LMTK2: variants seen among roughly 807,000 people sequenced by gnomAD.
LMTK2 encodes the protein lemur tail kinase 2, also known as serine/threonine-protein kinase LMTK2.
Under a neutral mutation model 127.5 loss-of-function variants are expected in LMTK2, and 37 were observed. That is an observed-to-expected ratio of 0.29 (90% confidence interval 0.22 to 0.38). The LOEUF is 0.38. Among genes scored for constraint, LMTK2 ranks in the 10% least tolerant of loss-of-function variants. The pLI, the probability that LMTK2 is intolerant of heterozygous loss-of-function variation, is 1.00. For missense variants in LMTK2, 1,694 were observed against 1,920.3 expected, an observed-to-expected ratio of 0.88 and a Z score of 2.20; for synonymous variants, 819 against 810.1, an observed-to-expected ratio of 1.01 and a Z score of -0.19.
At chr7:98,182,943 C>A (rs1230801086) in intron 7 of LMTK2, among the ~76,000 whole-genome samples, 1 of 152,186 alleles carries the variant, frequency 6.6e-6, no homozygotes, top group Non-Finnish European at 1.5e-5. Context: ...ATCAGATTCC[C>A]CATTATACTC....
At chr7:98,130,070 G>A (rs1796500694) in intron 1 of LMTK2, among the ~76,000 whole-genome samples, 1 of 152,142 alleles carries the variant, frequency 6.6e-6, no homozygotes, top group Non-Finnish European at 1.5e-5. Flanking sequence ...TGGGGGCAGG[G>A]GAGCATGTCA....
chr7:98,193,924 G>A lies in LMTK2; in HGVS notation c.3459G>A (p.Leu1153=). ...EQSPAAQDSC[L]EARKSQPDES... is the part of the protein sequence containing the mutation. ...GTCCTGCTGCCCAGGATAGCTGCCT[G>A]GAAGCCAGAAAGAGCCAGCCAGATG... is the stretch of plus-strand genomic sequence containing the variant. Residue 1153 remains leucine, a synonymous_variant, in exon 11 of 14, where the codon CTG becomes CTA. Coordinates refer to ENST00000297293, the MANE Select transcript of LMTK2 (RefSeq NM_014916.4). The surrounding 1 kb of genome is among the most constrained non-coding windows in gnomAD (Gnocchi z 4.1). 2 of 1,614,116 alleles carry A rather than the reference G, an allele frequency of 1.2e-6. No homozygotes were observed. The highest frequency in any genetic ancestry group is 2.2e-5 in the East Asian group (1 of 44,880).
chr7:98,192,903 T>C lies in LMTK2; in HGVS notation c.2438T>C (p.Val813Ala), dbSNP rs1797554890. Residue 813 changes from valine to alanine, a missense_variant, in exon 11 of 14, where the codon GTG becomes GCG. Physicochemically the swap from Val to Ala is moderately conservative, Grantham distance 64 (BLOSUM62 0). Coordinates refer to ENST00000297293, the MANE Select transcript of LMTK2 (RefSeq NM_014916.4). ...ACCTCATTGCAGTCTTCCCCGGAAG[T>C]GCAGGTACCTCCTACCTCCTTCGAA... ...LSTSLQSSPE[V>A]QVPPTSFETE... 1 of 1,614,142 alleles carries C rather than the reference T, an allele frequency of 6.2e-7. No individual in the cohort carries two copies. The highest frequency in any genetic ancestry group is 8.5e-7 in the Non-Finnish European group (1 of 1,180,000).
intron 1 of LMTK2, among the ~76,000 whole-genome samples, chr7:98,131,754 G>T (rs898475311): frequency 1.3e-5 from 2 of 152,084 alleles, no homozygotes; most frequent in African/African-American, 4.8e-5. Flanking sequence ...AAAACTGTGG[G>T]CAGGATTTCA....
At chr7:98,140,278 C>G (rs1349822211) in intron 2 of LMTK2, among the ~76,000 whole-genome samples, 1 of 151,528 alleles carries the variant, frequency 6.6e-6, no homozygotes, top group Non-Finnish European at 1.5e-5. Context: ...GTAGCCAGGA[C>G]TACTCCAGTA....
intron 5 of LMTK2, among the ~76,000 whole-genome samples, chr7:98,158,285 G>A (rs978579671): frequency 2.6e-5 from 4 of 152,078 alleles, no homozygotes; most frequent in African/African-American, 4.8e-5. Flanking sequence ...TGTTGTTGTC[G>A]TTGTTTTGAA....
At chr7:98,167,472 G>A (rs1797118114) in intron 6 of LMTK2, among the ~76,000 whole-genome samples, 1 of 152,254 alleles carries the variant, frequency 6.6e-6, no homozygotes, top group Non-Finnish European at 1.5e-5. Flanking sequence ...TGTCCTCAAG[G>A]TGGGGTGGTG....
chr7:98,112,590 G>A (rs1314219699), intron 1 of LMTK2, among the ~76,000 whole-genome samples: 4 of 152,144 alleles, frequency 2.6e-5, no homozygotes, highest in African/African-American at 7.2e-5. Context: ...TTCCCATTAT[G>A]GAAAAAGGTT....
chr7:98,124,350 C>T (rs1229845560), intron 1 of LMTK2, among the ~76,000 whole-genome samples: 7 of 152,234 alleles, frequency 4.6e-5, no homozygotes, highest in African/African-American at 1.7e-4. Flanking sequence ...TCCGTTTCTT[C>T]ATTTTAAAAT....
intron 13 of LMTK2, among the ~76,000 whole-genome samples, chr7:98,204,849 A>G (rs1797765462): frequency 1.3e-5 from 2 of 152,196 alleles, no homozygotes; most frequent in African/African-American, 2.4e-5. Flanking sequence ...TTTCCCAGAG[A>G]GAACCTGCTC....
intron 11 of LMTK2, among the ~76,000 whole-genome samples, chr7:98,200,240 C>T (rs998938983): frequency 1.1e-4 from 17 of 152,136 alleles, no homozygotes; most frequent in Non-Finnish European, 2.9e-5. Flanking sequence ...TTTTGCCCTC[C>T]GTCCCCTTCT....
intron 7 of LMTK2, among the ~76,000 whole-genome samples, chr7:98,174,551 C>T (rs1374913602): frequency 6.6e-6 from 1 of 152,182 alleles, no homozygotes; most frequent in African/African-American, 2.4e-5. Context: ...TCCTGAGCAG[C>T]CTGTCCGTGA....
At chr7:98,139,114 G>C (rs966016329) in intron 2 of LMTK2, among the ~76,000 whole-genome samples, 8 of 152,078 alleles carry the variant, frequency 5.3e-5, no homozygotes, top group African/African-American at 1.9e-4. Context: ...AGTGACCCAG[G>C]CTTATCTAAT....
At position 98,151,546 on chromosome 7, in the gene LMTK2, C is replaced by T. The variant is rs143488385; in HGVS notation, c.450+91C>T. 5.9e-5 allele frequency: 63 copies of T among 1,076,232 alleles called. No homozygotes were observed. The East Asian group carries it at 1.4e-3, about 23-fold the overall frequency. 66.7% of individuals were successfully genotyped at this position (1,076,232 alleles called of 1,614,324 possible). On this transcript the variant is annotated intron_variant, in intron 4 of 13. Transcript: ENST00000297293. The stretch of plus-strand genomic sequence containing the variant: ...AAGAATTGTGTTGTGTGGAGTTCCA[C>T]GTGCCCTGTGGGCCCTGCGTTACTA...
intron 1 of LMTK2, among the ~76,000 whole-genome samples, chr7:98,135,264 T>C (rs1021526549): frequency 6.6e-6 from 1 of 152,186 alleles, no homozygotes; most frequent in Non-Finnish European, 1.5e-5. Flanking sequence ...TGCCTTCCTT[T>C]TGGTGCATTT....
In LMTK2 at chr7:98,193,104, A is replaced by G; in HGVS notation, c.2639A>G (p.Asp880Gly). The stretch of plus-strand genomic sequence containing the variant: ...ACTGATGCCAGAACCCACAGCCTGG[A>G]TAACAGGTCCCAGGACTCTCCTGGC... ...LSTDARTHSL[D>G]NRSQDSPGES... is the part of the protein sequence containing the mutation. The change falls in exon 11 of 14, where the codon GAT (aspartate) becomes GGT (glycine). Residue 880 changes from aspartate to glycine, a missense_variant. This residue lies in a region of LMTK2 where 527 missense variants were observed against 539.8 expected (regional missense o/e 0.98). Coordinates refer to ENST00000297293, the MANE Select transcript of LMTK2 (RefSeq NM_014916.4). This position sits in a 1 kb window ranked among gnomAD's most constrained non-coding sequence, Gnocchi z 4.1. The G allele has an allele frequency of 6.2e-7, 1 of 1,613,774 alleles. No individual in the cohort carries two copies. Among genetic ancestry groups the G allele is most frequent in the Non-Finnish European group, 8.5e-7 (1 of 1,180,034 alleles).
intron 1 of LMTK2, among the ~76,000 whole-genome samples, chr7:98,114,585 A>T (rs115392477): frequency 1.3e-5 from 2 of 152,082 alleles, no homozygotes; most frequent in Admixed American, 1.3e-4. Flanking sequence ...CATCAGGTCA[A>T]ATTAGGTGTG....
chr7:98,113,732 CTTTTCTT>C (rs1376755501), intron 1 of LMTK2, among the ~76,000 whole-genome samples: 1 of 152,154 alleles, frequency 6.6e-6, no homozygotes, highest in East Asian at 1.9e-4. Context: ...CCATTATCAG[CTTTTCTT>C]TGAATCTTCT....
At chr7:98,195,886 A>G (rs1194817093) in intron 11 of LMTK2, among the ~76,000 whole-genome samples, 1 of 152,164 alleles carries the variant, frequency 6.6e-6, no homozygotes, top group Non-Finnish European at 1.5e-5. Context: ...GGGGAAGTGG[A>G]TGTTTAAAAA....
Sources: gnomAD v4.1 joint callset for allele counts (sites outside exome capture counted in the v4.1 genomes callset) on GRCh38, gnomAD v4.1.1 for gene constraint, gnomAD v4.1.1 regional missense constraint, Gnocchi (gnomAD v3.1) non-coding constraint, MANE v1.5 for transcripts, NCBI Gene and HGNC (gene_info 2026-07-23, HGNC 2026-07-21) for gene names.